SGIP1: variants seen among roughly 807,000 people sequenced by gnomAD.
The protein encoded by SGIP1 is SH3GL interacting endocytic adaptor 1.
SGIP1 carries 38 observed loss-of-function variants against 107.5 expected under a neutral mutation model. The observed-to-expected ratio is 0.35, with a 90% confidence interval of 0.27 to 0.46. SGIP1 has a LOEUF of 0.46. SGIP1 is among the 20% of genes least tolerant of loss of function. The pLI is 1.00. For missense variants in SGIP1, 929 were observed against 1,019.5 expected, an observed-to-expected ratio of 0.91 and a Z score of 1.21; for synonymous variants, 365 against 366.1, an observed-to-expected ratio of 1.00 and a Z score of 0.03.
chr1:66,732,468 AC>A (rs1221720744), intron 20 of SGIP1, among the ~76,000 whole-genome samples: 3 of 151,854 alleles, frequency 2.0e-5, no homozygotes, highest in African/African-American at 7.3e-5. Flanking sequence ...TGTATTTTCC[AC>A]CCCCTTCCTC....
intron 11 of SGIP1, among the ~76,000 whole-genome samples, chr1:66,673,073 C>A (rs1239557244): frequency 6.6e-6 from 1 of 152,100 alleles, no homozygotes; most frequent in Non-Finnish European, 1.5e-5. Context: ...AGGATCTCAC[C>A]TTCTACCAAT....
rs186992554 is a variant in SGIP1 at position 66,732,338 on chromosome 1, T to C, written c.1899-1410T>C. On this transcript the variant is annotated intron_variant, in intron 20 of 24. Transcript: ENST00000371037. ...CTGTTACTCTTACCTCCTGCCTGCT[T>C]GTATAGCAACAGCTCTGGGAGCTTG... is the stretch of plus-strand genomic sequence containing the variant. Among the ~76,000 whole-genome samples the C allele has an allele frequency of 1.5e-3, 235 of 152,294 alleles. 1 individual carries two copies. The highest frequency in any genetic ancestry group is 5.5e-3 in the African/African-American group (230 of 41,558).
intron 1 of SGIP1, among the ~76,000 whole-genome samples, chr1:66,576,901 C>G (rs184531197): frequency 6.6e-6 from 1 of 152,302 alleles, no homozygotes; most frequent in Admixed American, 6.5e-5. Context: ...CCCACCTTCT[C>G]CCCAAGCAGA....
At chr1:66,579,953 A>G (rs960091268) in intron 1 of SGIP1, among the ~76,000 whole-genome samples, 11 of 151,922 alleles carry the variant, frequency 7.2e-5, no homozygotes, top group Non-Finnish European at 1.6e-4. Flanking sequence ...TATTATCTCT[A>G]CTGTCAGAAT....
chr1:66,742,787 C>T (rs1167218312), intron 24 of SGIP1, among the ~76,000 whole-genome samples: 1 of 152,106 alleles, frequency 6.6e-6, no homozygotes, highest in Non-Finnish European at 1.5e-5. Flanking sequence ...CCCTTTCTAA[C>T]ATAAGTTGGA....
At chr1:66,628,838 G>A (rs2073581727) in intron 2 of SGIP1, among the ~76,000 whole-genome samples, 1 of 97,714 alleles carries the variant, frequency 1.0e-5, no homozygotes, top group Non-Finnish European at 1.9e-5. Flanking sequence ...AGAATCCCAA[G>A]TATCCTTCCT....
rs150441947 is a variant in SGIP1 at position 66,631,313 on chromosome 1, C to G, written c.75-1757C>G. ...TCCTAACCAATCACCTGGCTCATTA[C>G]AAGCACTTTTGTTGGCCAAGATTCT... On this transcript the variant is annotated intron_variant, in intron 2 of 24. Transcript: ENST00000371037. 7.9e-3 allele frequency among the ~76,000 whole-genome samples: 1,198 copies of G among 152,274 alleles called. 9 individuals carry two copies. Among genetic ancestry groups the G allele is most frequent in the Non-Finnish European group, 0.013 (879 of 68,002 alleles).
chr1:66,665,897 A>G (rs1001263367), intron 8 of SGIP1: 25 of 152,172 alleles, frequency 1.6e-4, no homozygotes, highest in African/African-American at 6.0e-4. Flanking sequence ...GTAGACTACA[A>G]AAATTTTCTC....
chr1:66,574,473 T>C (rs966295426), intron 1 of SGIP1, among the ~76,000 whole-genome samples: 1 of 152,208 alleles, frequency 6.6e-6, no homozygotes, highest in Non-Finnish European at 1.5e-5. Context: ...AATTCTGGAT[T>C]ATATACATTC....
chr1:66,614,394 G>T (rs1196597250), intron 1 of SGIP1, among the ~76,000 whole-genome samples: 1 of 152,148 alleles, frequency 6.6e-6, no homozygotes, highest in Admixed American at 6.5e-5. Flanking sequence ...CCAAAGGATG[G>T]ATGGATGGAG....
intron 1 of SGIP1, among the ~76,000 whole-genome samples, chr1:66,620,522 A>G (rs1409732229): frequency 1.3e-5 from 2 of 152,108 alleles, no homozygotes; most frequent in African/African-American, 2.4e-5. Flanking sequence ...CACGTCTTAC[A>G]TGGCAGCAGA....
chr1:66,537,696 G>T (rs1001549571), intron 1 of SGIP1, among the ~76,000 whole-genome samples: 1 of 151,856 alleles, frequency 6.6e-6, no homozygotes, highest in African/African-American at 2.4e-5. Flanking sequence ...GGCTTACTGG[G>T]TTTAATTACA....
Position 66,696,211 on chromosome 1 carries a change from T to C in SGIP1, c.1630+718T>C, listed in dbSNP as rs147540800. On this transcript the variant is annotated intron_variant, in intron 18 of 24. Coordinates refer to ENST00000371037, the MANE Select transcript of SGIP1 (RefSeq NM_032291.4). ...GGTAAGCATTCTTCTGTTTTATATT[T>C]AAGTTTTAATCATCTTAACAGGCCA... is the stretch of plus-strand genomic sequence containing the variant. Among the ~76,000 whole-genome samples the C allele has an allele frequency of 3.9e-4, 59 of 152,354 alleles. No individual in the cohort carries two copies. In the Middle Eastern group the frequency reaches 0.017, roughly 44 times the overall value.
At position 66,594,629 on chromosome 1, in the gene SGIP1, A is replaced by T. The variant is rs12567100; in HGVS notation, c.11-31218A>T. Among the ~76,000 whole-genome samples the T allele has an allele frequency of 2.6e-5, 4 of 152,098 alleles. No homozygotes were observed. In the East Asian group the frequency reaches 7.7e-4, roughly 29 times the overall value. On this transcript the variant is annotated intron_variant, in intron 1 of 24. Transcript: ENST00000371037. ...GTCATGCGGCCCAGACTCACCAGAG[A>T]TTTGCATATAAAGATTTGAATATAA...
intron 1 of SGIP1, among the ~76,000 whole-genome samples, chr1:66,537,781 C>T (rs77819033): frequency 0.083 from 12,537 of 151,766 alleles, 846 homozygotes; most frequent in East Asian, 0.35. Flanking sequence ...ATTGTATATA[C>T]GGTGCTTTTT....
intron 1 of SGIP1, among the ~76,000 whole-genome samples, chr1:66,550,605 C>A (rs1157634516): frequency 7.9e-5 from 12 of 152,132 alleles, no homozygotes; most frequent in South Asian, 2.1e-4. Context: ...ATATTCAAAT[C>A]ATGTTCAGAT....
At chr1:66,681,818 C>G in intron 14 of SGIP1, 51 bp from the exon 15 acceptor site, 1 of 1,552,562 alleles carries the variant, frequency 6.4e-7, no homozygotes. Flanking sequence ...CCTCACTCCC[C>G]ACACAAATAA....
chr1:66,575,978 C>T (rs1252130762), intron 1 of SGIP1, among the ~76,000 whole-genome samples: 1 of 152,080 alleles, frequency 6.6e-6, no homozygotes, highest in African/African-American at 2.4e-5. Flanking sequence ...TCTGCAGGAC[C>T]CGTTTTCCTA....
At chr1:66,654,062 A>G (rs1158297337) in intron 7 of SGIP1, among the ~76,000 whole-genome samples, 1 of 152,152 alleles carries the variant, frequency 6.6e-6, no homozygotes, top group Non-Finnish European at 1.5e-5. Flanking sequence ...TGAATGACAC[A>G]TAGTAGGTAC....
Sources: allele counts gnomAD v4.1 joint callset (sites outside exome capture counted in the v4.1 genomes callset), GRCh38; gene constraint gnomAD v4.1.1; transcripts MANE v1.5; gene names NCBI Gene and HGNC (gene_info 2026-07-23, HGNC 2026-07-21).